The following COL6A6 variants were observed in gnomAD, a reference collection of about 807,000 sequenced individuals.
COL6A6 encodes collagen alpha-6(VI) chain.
In COL6A6, 183 loss-of-function variants were observed where a neutral mutation model predicts 208.6. The ratio of observed to expected loss-of-function variants is 0.88; its 90% CI spans 0.78 to 0.99. COL6A6 has a LOEUF of 0.99. Among genes scored for constraint, COL6A6 ranks in the 50% least tolerant of loss-of-function variants. COL6A6 has a pLI of 0.00. For missense variants in COL6A6, 2,816 were observed against 2,815.2 expected, an observed-to-expected ratio of 1.00 and a Z score of -0.01; for synonymous variants, 973 against 1,011.8, an observed-to-expected ratio of 0.96 and a Z score of 0.73.
intron 27 of COL6A6, among the ~76,000 whole-genome samples, chr3:130,635,041 C>G (rs924669330): frequency 3.3e-5 from 5 of 152,064 alleles, no homozygotes; most frequent in African/African-American, 1.2e-4. Context: ...TCGAGACCAG[C>G]CTGGCCAACA....
Position 130,592,545 on chromosome 3 carries a change from A to G in COL6A6, c.4277A>G (p.Glu1426Gly). 1 of 1,600,466 alleles carries G rather than the reference A, an allele frequency of 6.2e-7. No individual in the cohort carries two copies. The highest frequency in any genetic ancestry group is 8.5e-7 in the Non-Finnish European group (1 of 1,172,012). Reference sequence around the variant, plus strand: ...TGGATATGTGCCCTTTCTCAGGGAGAAAGAGGAGCCCCTGGACCAGTGGGA... The same window carrying G: ...TGGATATGTGCCCTTTCTCAGGGAGGAAGAGGAGCCCCTGGACCAGTGGGA... The part of the protein sequence containing the change: ...GYLGEEGIAG[E>G]RGAPGPVGEQ... Residue 1426 changes from glutamate (E) to glycine (G), a missense_variant, in exon 14 of 37, where the codon GAA (glutamate) becomes GGA (glycine). Transcript: ENST00000358511.
rs374015009 is a variant in COL6A6, at chr3:130,589,108, A to G, written c.4144A>G (p.Thr1382Ala). The change falls in exon 12 of 37, where the codon ACA (threonine) becomes GCA (alanine). Residue 1382 changes from threonine (T) to alanine (A), a missense_variant. Thr to Ala is a moderately conservative substitution (Grantham distance 58). Coordinates refer to ENST00000358511, the MANE Select transcript of COL6A6 (RefSeq NM_001102608.3). Reference sequence around the variant, plus strand: ...TCCCAAGGTCAATGTTGCTGAAAGGACATGCTGCTGTTTGTTCTGCAAGTG... The same window carrying G: ...TCCCAAGGTCAATGTTGCTGAAAGGGCATGCTGCTGTTTGTTCTGCAAGTG... ...SKQLVNVAER[T>A]CCCLFCKCIG... 13 of 1,613,736 alleles carry G rather than the reference A, an allele frequency of 8.1e-6. No individual in the cohort carries two copies. In the African/African-American group the frequency reaches 1.5e-4, roughly 18 times the overall value.
At position 130,563,195 on chromosome 3, in the gene COL6A6, C is replaced by A. The variant is rs765180776; in HGVS notation, c.192C>A (p.Tyr64Ter). Residue 64 changes from tyrosine to a stop codon, truncating the protein, a stop_gained, in exon 3 of 37, where the codon TAC (tyrosine) becomes TAA (stop). Transcript: ENST00000358511. LOFTEE classifies it high-confidence loss of function. ...GTCTCCCCATAGAGGCCGACAAATACCGTGTGGCCCTGGCCCAGTACAGTG... is the reference window on the plus strand; with the variant it reads ...GTCTCCCCATAGAGGCCGACAAATAACGTGTGGCCCTGGCCCAGTACAGTG... ...ISSLPIEADK[Y>*]RVALAQYSDK... The A allele has an allele frequency of 1.2e-6, 2 of 1,613,986 alleles. No individual in the cohort carries two copies. Among genetic ancestry groups the A allele is most frequent in the South Asian group, 2.2e-5 (2 of 91,082 alleles).
chr3:130,607,839 TTATC>T (rs367674727), intron 21 of COL6A6, among the ~76,000 whole-genome samples: 6 of 152,210 alleles, frequency 3.9e-5, no homozygotes, highest in African/African-American at 1.4e-4. Context: ...TACTTTTTAT[TTATC>T]TGTTTCTGCT....
At chr3:130,581,343 AT>A (rs1206193687) in intron 8 of COL6A6, among the ~76,000 whole-genome samples, 1 of 152,198 alleles carries the variant, frequency 6.6e-6, no homozygotes, top group African/African-American at 2.4e-5. Context: ...GAATCATCAG[AT>A]TTTATATGAC....
At chr3:130,674,937 C>A (rs1256930268) in intron 36 of COL6A6, among the ~76,000 whole-genome samples, 1 of 152,120 alleles carries the variant, frequency 6.6e-6, no homozygotes, top group Non-Finnish European at 1.5e-5. Context: ...GAAGAACCAA[C>A]CATAGGTAGA....
chr3:130,627,441 A>G, intron 26 of COL6A6, 72 bp downstream of exon 26: 3 of 1,368,176 alleles, frequency 2.2e-6, no homozygotes, highest in Admixed American at 3.4e-5. Flanking sequence ...GCCACATTTA[A>G]GAGAAAAAGG....
Position 130,581,548 on chromosome 3 carries a change from C to T in COL6A6, c.3548-13C>T. Reference sequence around the variant, plus strand: ...GTTGATTTATTAAGACATGCTTTTCCTTTGAATCCTAGACTGTTTCGTGGA... The same window carrying T: ...GTTGATTTATTAAGACATGCTTTTCTTTTGAATCCTAGACTGTTTCGTGGA... On this transcript the variant is annotated splice_polypyrimidine_tract_variant and intron_variant, in intron 8 of 36. Coordinates refer to ENST00000358511, the MANE Select transcript of COL6A6 (RefSeq NM_001102608.3). 6.4e-7 allele frequency: 1 copy of T among 1,563,342 alleles called. No individual in the cohort carries two copies. Among genetic ancestry groups the T allele is most frequent in the Non-Finnish European group, 8.7e-7 (1 of 1,150,282 alleles).
At chr3:130,542,962 A>G (rs191313093) in intron 1 of COL6A6, among the ~76,000 whole-genome samples, 153 of 139,802 alleles carry the variant, frequency 1.1e-3, no homozygotes, top group African/African-American at 4.1e-3. Flanking sequence ...TTGGAGTGCA[A>G]TGGCACCATC....
chr3:130,530,837 G>C (rs1470170791), intron 1 of COL6A6, among the ~76,000 whole-genome samples: 1 of 152,144 alleles, frequency 6.6e-6, no homozygotes, highest in Non-Finnish European at 1.5e-5. Flanking sequence ...TAAGGAAAAA[G>C]ACTGAGGTCC....
At chr3:130,592,787 A>G (rs940692822) in intron 15 of COL6A6, 65 bp downstream of exon 15, 4 of 1,396,892 alleles carry the variant, frequency 2.9e-6, no homozygotes, top group Non-Finnish European at 4.0e-6. Flanking sequence ...TATTTTTGAG[A>G]TTATTTATCA....
rs1022198206 is a variant in COL6A6 at position 130,585,568 on chromosome 3, AC to A, written c.3971-936del. 7.9e-5 allele frequency among the ~76,000 whole-genome samples: 12 copies of A among 152,136 alleles called. No homozygotes were observed. The East Asian group carries it at 2.3e-3, about 29-fold the overall frequency. ...ATTACCATCATTATTTAATGTTCTT[AC>A]CTAGCAAAATAAGTCATTGGCAACC... On this transcript the variant is annotated intron_variant, in intron 10 of 36. Coordinates refer to ENST00000358511, the MANE Select transcript of COL6A6 (RefSeq NM_001102608.3).
intron 23 of COL6A6, among the ~76,000 whole-genome samples, chr3:130,612,563 A>G (rs910552980): frequency 6.6e-6 from 1 of 152,208 alleles, no homozygotes; most frequent in Non-Finnish European, 1.5e-5. Flanking sequence ...TAACACTACA[A>G]AAAATATAAG....
intron 21 of COL6A6, among the ~76,000 whole-genome samples, chr3:130,608,633 G>T (rs1381834947): frequency 6.6e-6 from 1 of 151,918 alleles, no homozygotes; most frequent in Non-Finnish European, 1.5e-5. Context: ...TAAGAAAGGG[G>T]TGGGGGCTGC....
At position 130,565,231 on chromosome 3, in the gene COL6A6, C is replaced by G; in HGVS notation, c.899C>G (p.Ser300Cys). The G allele has an allele frequency of 6.2e-7, 1 of 1,614,044 alleles. No individual in the cohort carries two copies. Among genetic ancestry groups the G allele is most frequent in the Non-Finnish European group, 8.5e-7 (1 of 1,179,894 alleles). Residue 300 changes from serine (S) to cysteine (C), a missense_variant, in exon 4 of 37, where the codon TCT becomes TGT. Transcript: ENST00000358511. ...SEVLQHIQNL[S>C]PRTGKAYTGA... ...GTTCTCCAGCATATACAGAACCTTT[C>G]TCCCCGAACTGGGAAGGCCTATACT...
chr3:130,544,177 A>T (rs2062440034), intron 1 of COL6A6, among the ~76,000 whole-genome samples: 1 of 152,160 alleles, frequency 6.6e-6, no homozygotes, highest in Admixed American at 6.5e-5. Flanking sequence ...TCCCCCAGTA[A>T]TCACCATGTC....
chr3:130,641,783 T>C, intron 29 of COL6A6, 69 bp downstream of exon 29: 1 of 898,558 alleles, frequency 1.1e-6, no homozygotes, highest in Non-Finnish European at 1.7e-6. Context: ...GTGCATGAAA[T>C]CTTCATTGTC....
At chr3:130,652,595 T>C (rs966968220) in intron 33 of COL6A6, among the ~76,000 whole-genome samples, 2 of 152,198 alleles carry the variant, frequency 1.3e-5, no homozygotes, top group Non-Finnish European at 2.9e-5. Context: ...CAAGCAGGGT[T>C]GTCTGGAAGG....
chr3:130,557,754 T>C (rs1245037185), intron 1 of COL6A6, among the ~76,000 whole-genome samples: 1 of 152,220 alleles, frequency 6.6e-6, no homozygotes, highest in East Asian at 1.9e-4. Flanking sequence ...TTGGTTTGTA[T>C]GGAGCAGAAG....
Sources: allele counts gnomAD v4.1 joint callset (sites outside exome capture counted in the v4.1 genomes callset), GRCh38; gene constraint gnomAD v4.1.1; transcripts MANE v1.5; gene names NCBI Gene and HGNC (gene_info 2026-07-23, HGNC 2026-07-21).